Variants in ZNF106 observed in about 807,000 individuals in gnomAD.
The protein encoded by ZNF106 is SH3-domain binding protein 3.
Under a neutral mutation model 195.1 loss-of-function variants are expected in ZNF106, and 67 were observed. The observed-to-expected ratio is 0.34, with a 90% confidence interval of 0.28 to 0.42. The LOEUF is 0.42. Ranked by LOEUF, ZNF106 falls within the 10% of genes least tolerant of loss-of-function variation. The probability of loss-of-function intolerance (pLI) is 1.00; values close to 1 mark genes in which losing one functional copy is unlikely to be tolerated. For missense variants in ZNF106, 2,118 were observed against 2,304.5 expected (o/e 0.92, Z 1.66); for synonymous variants, 784 against 818.6 (o/e 0.96, Z 0.72).
chr15:42,434,918 CAT>C (rs1567003436), intron 14 of ZNF106, among the ~76,000 whole-genome samples: 1 of 152,102 alleles, frequency 6.6e-6, no homozygotes, highest in Non-Finnish European at 1.5e-5. Flanking sequence ...CAATTACAGG[CAT>C]GCACCACCAT....
intron 7 of ZNF106, among the ~76,000 whole-genome samples, chr15:42,446,321 C>T (rs1455203395): frequency 3.9e-5 from 6 of 152,190 alleles, no homozygotes; most frequent in Admixed American, 3.9e-4. Flanking sequence ...TGGCTCACAT[C>T]TATAATCCTA....
intron 2 of ZNF106, among the ~76,000 whole-genome samples, chr15:42,469,877 A>G (rs1048218599): frequency 1.3e-5 from 2 of 151,734 alleles, no homozygotes; most frequent in African/African-American, 2.4e-5. Flanking sequence ...AAAAAGAAAA[A>G]AAAGAAAGAA....
intron 14 of ZNF106, among the ~76,000 whole-genome samples, chr15:42,429,641 TC>T (rs1451117082): frequency 6.6e-6 from 1 of 151,934 alleles, no homozygotes; most frequent in Non-Finnish European, 1.5e-5. Flanking sequence ...ATTCAATTTC[TC>T]CCCTGAAAAA....
intron 1 of ZNF106, among the ~76,000 whole-genome samples, chr15:42,481,342 GTTTTTTTTTTTGTTGTTT>G (rs1432513679): frequency 2.5e-5 from 3 of 119,536 alleles, no homozygotes; most frequent in African/African-American, 9.1e-5. Context: ...TATTCTTTCT[GTTTTTTTTTTTGTTGTTT>G]TTTTTTTTTT....
chr15:42,424,227 C>T (rs751520320), intron 16 of ZNF106, 167 bp from the exon 17 acceptor site: 12 of 588,338 alleles, frequency 2.0e-5, no homozygotes, highest in Admixed American at 3.3e-5. Context: ...AACTTACACC[C>T]CCCTACCAAG....
At chr15:42,436,925 C>T (rs1209677036) in intron 13 of ZNF106, among the ~76,000 whole-genome samples, 1 of 152,208 alleles carries the variant, frequency 6.6e-6, no homozygotes, top group Admixed American at 6.5e-5. Context: ...GGGAGTAAAA[C>T]ACAGGACCCT....
In ZNF106 at chr15:42,439,756, G is replaced by A. The variant is rs759558861; in HGVS notation, c.3821C>T (p.Pro1274Leu). ...CTCATGGAAACTTTCTGTTGACTCT[G>A]GTAAGGACAATCTAGCAGTGATGAC... ...YPVITARLSL[P>L]ESTESFHEPS... Residue 1274 changes from proline (P) to leucine (L), a missense_variant, in exon 11 of 22, where the codon CCA becomes CTA. Physicochemically the swap from Pro to Leu is moderately conservative, Grantham distance 98. Coordinates refer to ENST00000564754, the MANE Select transcript of ZNF106 (RefSeq NM_001366845.3). The A allele has an allele frequency of 4.4e-6, 7 of 1,608,864 alleles. No homozygotes were observed. Among genetic ancestry groups the A allele is most frequent in the East Asian group, 2.2e-5 (1 of 44,890 alleles).
At position 42,439,145 on chromosome 15, in the gene ZNF106, C is replaced by G. The variant is rs755842428; in HGVS notation, c.4432G>C (p.Asp1478His). The G allele has an allele frequency of 1.9e-6, 3 of 1,614,104 alleles. No individual in the cohort carries two copies. Among genetic ancestry groups the G allele is most frequent in the Non-Finnish European group, 2.5e-6 (3 of 1,180,032 alleles). Reference protein sequence around the residue: ...EEKPDSPSKKDIWNSTEQNPL... With the variant: ...EEKPDSPSKKHIWNSTEQNPL... ...TTTTGCTCTGTAGAGTTCCAAATATCCTTTTTAGATGGGCTGTCTGGTTTC... is the reference window on the plus strand; with the variant it reads ...TTTTGCTCTGTAGAGTTCCAAATATGCTTTTTAGATGGGCTGTCTGGTTTC... Residue 1478 changes from aspartate to histidine, a missense_variant, in exon 11 of 22, where the codon GAT becomes CAT. Physicochemically the swap from Asp to His is moderately conservative, Grantham distance 81 (BLOSUM62 -1). Coordinates refer to ENST00000564754, the MANE Select transcript of ZNF106 (RefSeq NM_001366845.3).
At chr15:42,483,232 T>C (rs1345836929) in intron 1 of ZNF106, among the ~76,000 whole-genome samples, 3 of 152,206 alleles carry the variant, frequency 2.0e-5, no homozygotes, top group Admixed American at 6.5e-5. Context: ...GATGTAATAA[T>C]AGTTGTTATC....
intron 16 of ZNF106, 105 bp downstream of exon 16, chr15:42,424,729 C>T (rs571866111): frequency 9.3e-5 from 111 of 1,188,908 alleles, no homozygotes; most frequent in Non-Finnish European, 1.2e-4. Flanking sequence ...ATCCCCCTGC[C>T]TCACCCTCCC....
intron 1 of ZNF106, among the ~76,000 whole-genome samples, chr15:42,485,613 G>A (rs911371292): frequency 6.6e-6 from 1 of 152,106 alleles, no homozygotes; most frequent in Non-Finnish European, 1.5e-5. Context: ...GGGATGGAAT[G>A]GCGTCCTGTC....
At chr15:42,444,451 A>G (rs2055687821) in intron 8 of ZNF106, among the ~76,000 whole-genome samples, 189 bp from the exon 9 acceptor site, 1 of 152,160 alleles carries the variant, frequency 6.6e-6, no homozygotes, top group African/African-American at 2.4e-5. Flanking sequence ...AGGCACTGAT[A>G]AAAGTATCTA....
chr15:42,451,776 T>G lies in ZNF106; in HGVS notation c.496A>C (p.Arg166=), dbSNP rs2141362478. The change falls in exon 5 of 22, where the codon AGG becomes CGG. Residue 166 remains arginine (R), a synonymous_variant. Transcript: ENST00000564754. The part of the protein sequence containing the change: ...KWEKDGFNNT[R]KNSFPHSLRN... The stretch of plus-strand genomic sequence containing the variant: ...AAAGAATGTGGAAAGCTGTTTTTCC[T>G]AGTATTATTAAAGCCATCTTTTTCC... The G allele has an allele frequency of 6.2e-7, 1 of 1,614,214 alleles. No individual in the cohort carries two copies. Among genetic ancestry groups the G allele is most frequent in the East Asian group, 2.2e-5 (1 of 44,890 alleles).
chr15:42,460,759 T>C (rs1432272502), intron 3 of ZNF106, among the ~76,000 whole-genome samples: 3 of 149,848 alleles, frequency 2.0e-5, no homozygotes, highest in East Asian at 3.9e-4. Context: ...ACTTGGGAGG[T>C]TGAGGCAGGA....
At chr15:42,472,441 T>C in intron 1 of ZNF106, 120 bp from the exon 2 acceptor site, 1 of 676,912 alleles carries the variant, frequency 1.5e-6, no homozygotes, top group Non-Finnish European at 2.4e-6. Flanking sequence ...CTCCCCCAGA[T>C]CTTTCCGTTT....
At chr15:42,464,121 C>G (rs1165251034) in intron 3 of ZNF106, among the ~76,000 whole-genome samples, 1 of 152,126 alleles carries the variant, frequency 6.6e-6, no homozygotes, top group Non-Finnish European at 1.5e-5. Context: ...GCGGGCAGAT[C>G]ACAAGGTCAG....
At chr15:42,445,721 T>C (rs1412467051) in intron 7 of ZNF106, among the ~76,000 whole-genome samples, 1 of 152,210 alleles carries the variant, frequency 6.6e-6, no homozygotes, top group African/African-American at 2.4e-5. Context: ...ATATGCTCCA[T>C]CTGGTTGGCC....
chr15:42,442,129 T>C lies in ZNF106; in HGVS notation c.3707A>G (p.Asn1236Ser), dbSNP rs1314297172. 1 of 1,614,176 alleles carries C rather than the reference T, an allele frequency of 6.2e-7. No individual in the cohort carries two copies. The highest frequency in any genetic ancestry group is 1.7e-5 in the Admixed American group (1 of 60,016). ...PMSPEQDENVNAVPPSSACNV... is the reference protein window; with the variant it reads ...PMSPEQDENVSAVPPSSACNV... Reference sequence around the variant, plus strand: ...GCAGGCAGAGCTTGGTGGCACAGCATTCACATTCTCATCTTGTTCAGGAGA... The same window carrying C: ...GCAGGCAGAGCTTGGTGGCACAGCACTCACATTCTCATCTTGTTCAGGAGA... Residue 1236 changes from asparagine (N) to serine (S), a missense_variant, in exon 10 of 22, where the codon AAT becomes AGT. Transcript: ENST00000564754.
At chr15:42,432,357 T>G (rs957124122) in intron 14 of ZNF106, among the ~76,000 whole-genome samples, 4 of 151,912 alleles carry the variant, frequency 2.6e-5, no homozygotes, top group Middle Eastern at 3.2e-3. Context: ...CGGGATCTCA[T>G]TATGTTACCG....
Sources: gnomAD v4.1 joint callset for allele counts (sites outside exome capture counted in the v4.1 genomes callset) on GRCh38, gnomAD v4.1.1 for gene constraint, MANE v1.5 for transcripts, NCBI Gene and HGNC (gene_info 2026-07-23, HGNC 2026-07-21) for gene names.